Variants in CNKSR1 observed in about 807,000 individuals in gnomAD.
CNKSR1 encodes connector enhancer of kinase suppressor of Ras 1.
In CNKSR1, 88 loss-of-function variants were observed where a neutral mutation model predicts 95.6. The ratio of observed to expected loss-of-function variants is 0.92; its 90% CI spans 0.78 to 1.10. The LOEUF (loss-of-function observed/expected upper bound fraction) is 1.10. Ranked by LOEUF, CNKSR1 falls within the 50% of genes least tolerant of loss-of-function variation. The probability of loss-of-function intolerance (pLI) is 0.00; values close to 1 mark genes in which losing one functional copy is unlikely to be tolerated. For missense variants in CNKSR1, 836 were observed against 912.0 expected, an observed-to-expected ratio of 0.92 and a Z score of 1.07; for synonymous variants, 355 against 369.7, an observed-to-expected ratio of 0.96 and a Z score of 0.46.
At chr1:26,181,825 C>G in intron 3 of CNKSR1, 32 bp from the exon 4 acceptor site, 1 of 1,588,788 alleles carries the variant, frequency 6.3e-7, no homozygotes. Flanking sequence ...AAGCATAGTC[C>G]CTTAACCACT....
In CNKSR1 at chr1:26,178,497, G is replaced by T. The variant is rs188608950; in HGVS notation, c.52+898G>T. On this transcript the variant is annotated intron_variant, in intron 1 of 20. Coordinates refer to ENST00000361530, the MANE Select transcript of CNKSR1 (RefSeq NM_006314.3). The stretch of plus-strand genomic sequence containing the variant: ...GCAACACACCCCACAGGCAGACTCA[G>T]AGAAGGAAGGGCCTCCTGACACACA... 1.0e-3 allele frequency among the ~76,000 whole-genome samples: 158 copies of T among 152,298 alleles called. 1 individual carries two copies. Among genetic ancestry groups the T allele is most frequent in the African/African-American group, 3.4e-3 (143 of 41,582 alleles).
rs370754955 is a variant in CNKSR1 at position 26,188,931 on chromosome 1, G to A, written c.1850G>A (p.Arg617Gln). 26 of 1,613,422 alleles carry A rather than the reference G, an allele frequency of 1.6e-5. No individual in the cohort carries two copies. Among genetic ancestry groups the A allele is most frequent in the African/African-American group, 1.2e-4 (9 of 74,908 alleles). Residue 617 changes from arginine (R) to glutamine (Q), a missense_variant, in exon 20 of 21, where the codon CGG (arginine) becomes CAG (glutamine). Arg to Gln is a conservative substitution (Grantham distance 43). Transcript: ENST00000361530. ...CTCAATGAGCGAGTGCACCGTGTGC[G>A]GGCGCTACAGAGCACACTCAAGGTC... ...PQLNERVHRV[R>Q]ALQSTLKAKL... is the part of the protein sequence containing the mutation.
At position 26,185,105 on chromosome 1, in the gene CNKSR1, G is replaced by T. The variant is rs372250065; in HGVS notation, c.1227G>T (p.Pro409=). The change falls in exon 14 of 21, where the codon CCG becomes CCT. Residue 409 remains proline (P), a synonymous_variant. Transcript: ENST00000361530. The part of the protein sequence containing the change: ...CDGWLLLRKA[P]GGFMGPRWRR... The stretch of plus-strand genomic sequence containing the variant: ...GCTGGCTCCTGTTGCGAAAGGCACC[G>T]GGCGGCTTCATGGGCCCGCGCTGGC... 2 of 1,603,192 alleles carry T rather than the reference G, an allele frequency of 1.2e-6. No individual in the cohort carries two copies. Among genetic ancestry groups the T allele is most frequent in the East Asian group, 2.3e-5 (1 of 44,442 alleles).
rs775602305 is a variant in CNKSR1, at chr1:26,188,655, C to A, written c.1648C>A (p.Pro550Thr). 2.4e-5 allele frequency: 38 copies of A among 1,613,756 alleles called. No individual in the cohort carries two copies. The highest frequency in any genetic ancestry group is 3.1e-5 in the Non-Finnish European group (36 of 1,179,912). Residue 550 changes from proline to threonine, a missense_variant, in exon 19 of 21, where the codon CCC (proline) becomes ACC (threonine). Transcript: ENST00000361530. ...LHGDTSPAAT[P>T]TQRSPRTSFG... ...TGGAGACACATCACCTGCAGCCACCCCCACACAGCGCAGCCCACGGACCTC... is the reference window on the plus strand; with the variant it reads ...TGGAGACACATCACCTGCAGCCACCACCACACAGCGCAGCCCACGGACCTC...
At chr1:26,181,640 C>T (rs2088649000) in intron 3 of CNKSR1, 1 of 574,390 alleles carries the variant, frequency 1.7e-6, no homozygotes, top group African/African-American at 1.9e-5. Context: ...CTGTCTGTTT[C>T]CCCAGTGCCT....
chr1:26,187,179 T>C lies in CNKSR1; in HGVS notation c.1320T>C (p.Ala440=), dbSNP rs112215536. Residue 440 remains alanine, a synonymous_variant, in exon 15 of 21, where the codon GCT becomes GCC. Coordinates refer to ENST00000361530, the MANE Select transcript of CNKSR1 (RefSeq NM_006314.3). ...YWYRQPQDEK[A]EGLINVSNYS... ...TGTGATCCCCCCAGGATGAGAAGGC[T>C]GAGGGCCTCATCAATGTCTCCAACT... 2.5e-6 allele frequency: 4 copies of C among 1,613,754 alleles called. No homozygotes were observed. The Admixed American group carries it at 5.0e-5, about 20-fold the overall frequency.
At chr1:26,187,078 A>G (rs2088768125) in intron 14 of CNKSR1, 90 bp from the exon 15 acceptor site, 1 of 959,418 alleles carries the variant, frequency 1.0e-6, no homozygotes, top group Non-Finnish European at 1.7e-6. Context: ...CCTCTCCACA[A>G]CTCTCAGGAG....
At chr1:26,182,837 T>C (rs1368316944) in intron 6 of CNKSR1, among the ~76,000 whole-genome samples, 1 of 152,142 alleles carries the variant, frequency 6.6e-6, no homozygotes, top group Non-Finnish European at 1.5e-5. Flanking sequence ...GGGCAGGGGC[T>C]TGGGGGCAGT....
Position 26,189,167 on chromosome 1 carries a change from C to T in CNKSR1, c.1873-112C>T, listed in dbSNP as rs1446061457. On this transcript the variant is annotated intron_variant, in intron 20 of 20. Coordinates refer to ENST00000361530, the MANE Select transcript of CNKSR1 (RefSeq NM_006314.3). Reference sequence around the variant, plus strand: ...AGTCTCACCTAGGCTCCTCGTGCCACGCTGGCCAGGTGCTGGCTTCCAGGC... The same window carrying T: ...AGTCTCACCTAGGCTCCTCGTGCCATGCTGGCCAGGTGCTGGCTTCCAGGC... 6.3e-6 allele frequency: 9 copies of T among 1,417,908 alleles called. No homozygotes were observed. The African/African-American group carries it at 7.0e-5, about 11-fold the overall frequency. The allele number at this position is 1,417,908 out of a possible 1,614,324, so 87.8% of individuals were successfully genotyped here. A position where few individuals can be genotyped will look rare whatever the true frequency, so the allele number is the denominator to read the frequency against.
intron 1 of CNKSR1, among the ~76,000 whole-genome samples, chr1:26,178,681 G>C: frequency 6.6e-6 from 1 of 152,350 alleles, no homozygotes; most frequent in South Asian, 2.1e-4. Flanking sequence ...CCGCTTGCCA[G>C]CTCTGTGACC....
At chr1:26,183,667 G>A in intron 8 of CNKSR1, 62 bp from the exon 9 acceptor site, 2 of 1,255,376 alleles carry the variant, frequency 1.6e-6, no homozygotes, top group East Asian at 2.3e-5. Context: ...GAGGGTGAGA[G>A]TTGGTGGTTG....
chr1:26,188,988 A>G (rs1309043667), intron 20 of CNKSR1, 35 bp downstream of exon 20: 1 of 1,608,752 alleles, frequency 6.2e-7, no homozygotes, highest in Non-Finnish European at 8.5e-7. Context: ...GCAAGGGACT[A>G]GGCTCTGGGC....
At chr1:26,186,541 C>CTT (rs2088754423) in intron 14 of CNKSR1, among the ~76,000 whole-genome samples, 1 of 152,322 alleles carries the variant, frequency 6.6e-6, no homozygotes, top group East Asian at 1.9e-4. Flanking sequence ...GTGGCGCAAT[C>CTT]GCAGCTCATG....
In CNKSR1 at chr1:26,183,238, G is replaced by A; in HGVS notation, c.666G>A (p.Val222=). 1 of 1,613,994 alleles carries A rather than the reference G, an allele frequency of 6.2e-7. No homozygotes were observed. The change falls in exon 7 of 21, where the codon GTG becomes GTA. Residue 222 remains valine (V), a synonymous_variant. Coordinates refer to ENST00000361530, the MANE Select transcript of CNKSR1 (RefSeq NM_006314.3). ...CCACCAGCAATTGCCAGCACTTTGTGTCCCAAGTGGACACCCAGGTGAGAG... is the reference window on the plus strand; with the variant it reads ...CCACCAGCAATTGCCAGCACTTTGTATCCCAAGTGGACACCCAGGTGAGAG... ...IHTTSNCQHF[V]SQVDTQVPTD...
chr1:26,184,028 T>C (rs760558603), intron 9 of CNKSR1, 43 bp from the exon 10 acceptor site: 1 of 1,516,040 alleles, frequency 6.6e-7, no homozygotes, highest in Admixed American at 1.7e-5. Context: ...CAACCTGCTT[T>C]CAGACCCCTG....
intron 10 of CNKSR1, 26 bp from the exon 11 acceptor site, chr1:26,184,188 C>G (rs762990730): frequency 1.9e-6 from 3 of 1,611,954 alleles, no homozygotes; most frequent in Non-Finnish European, 2.5e-6. Flanking sequence ...ACCGTGGGCT[C>G]ATCTCATCCC....
In CNKSR1 at chr1:26,187,492, G is replaced by C. The variant is rs17163639; in HGVS notation, c.1454+10G>C. On this transcript the variant is annotated intron_variant, in intron 16 of 20. Coordinates refer to ENST00000361530, the MANE Select transcript of CNKSR1 (RefSeq NM_006314.3). ...TGACAGATCTGAGCATGTGAGTGCC[G>C]CCTCCCTTAGCCCCTACTCTCATAT... 6.2e-7 allele frequency: 1 copy of C among 1,613,336 alleles called. No individual in the cohort carries two copies. The highest frequency in any genetic ancestry group is 1.1e-5 in the South Asian group (1 of 91,064).
intron 16 of CNKSR1, among the ~76,000 whole-genome samples, chr1:26,187,704 T>C (rs922090807): frequency 2.7e-5 from 4 of 146,432 alleles, no homozygotes; most frequent in African/African-American, 1.0e-4. Context: ...CTCACTGCAA[T>C]CTCCGCCTCC....
In CNKSR1 at chr1:26,185,165, C is replaced by G; in HGVS notation, c.1287C>G (p.Leu429=). The part of the protein sequence containing the change: ...RRWFVLKGHT[L]YWYRQPQDEK... ...GGTTTGTGCTCAAGGGACACACGCT[C>G]TACTGGTACCGCCAGCCCCAGGTAA... Residue 429 remains leucine, a synonymous_variant, in exon 14 of 21, where the codon CTC becomes CTG. Coordinates refer to ENST00000361530, the MANE Select transcript of CNKSR1 (RefSeq NM_006314.3). The G allele has an allele frequency of 6.4e-7, 1 of 1,559,442 alleles. No individual in the cohort carries two copies. The highest frequency in any genetic ancestry group is 8.7e-7 in the Non-Finnish European group (1 of 1,151,846).
Sources: gnomAD v4.1 joint callset for allele counts (sites outside exome capture counted in the v4.1 genomes callset) on GRCh38, gnomAD v4.1.1 for gene constraint, MANE v1.5 for transcripts, NCBI Gene and HGNC (gene_info 2026-07-23, HGNC 2026-07-21) for gene names.